CSMD3: variants seen among roughly 807,000 people sequenced by gnomAD.
The protein encoded by CSMD3 is CUB and sushi domain-containing protein 3.
Under a neutral mutation model 435.2 loss-of-function variants are expected in CSMD3, and 177 were observed. That is an observed-to-expected ratio of 0.41 (90% CI 0.36 to 0.46). The LOEUF (loss-of-function observed/expected upper bound fraction) is 0.46. CSMD3 is among the 20% of genes least tolerant of loss of function. CSMD3 has a pLI of 0.34. For missense variants in CSMD3, 4,265 were observed against 4,504.6 expected (o/e 0.95, Z 1.52); for synonymous variants, 1,656 against 1,520.5 (o/e 1.09, Z -2.07).
chr8:112,656,054 T>G, intron 18 of CSMD3, 100 bp downstream of exon 18: 1 of 683,612 alleles, frequency 1.5e-6, no homozygotes, highest in Non-Finnish European at 2.6e-6. Flanking sequence ...AAGCTTTGAT[T>G]TAAAATAAAT....
At chr8:113,358,648 T>C (rs757669957) in intron 1 of CSMD3, among the ~76,000 whole-genome samples, 1 of 152,154 alleles carries the variant, frequency 6.6e-6, no homozygotes, top group Non-Finnish European at 1.5e-5. Flanking sequence ...TGGAGTATGA[T>C]ATGGAGAGAA....
At chr8:112,613,349 G>A (rs1188085542) in intron 22 of CSMD3, among the ~76,000 whole-genome samples, 4 of 152,006 alleles carry the variant, frequency 2.6e-5, no homozygotes, top group Non-Finnish European at 5.9e-5. Context: ...AAGCATAAAT[G>A]GAAAGGAGAA....
At chr8:112,478,251 T>C (rs1319944203) in intron 31 of CSMD3, among the ~76,000 whole-genome samples, 1 of 152,172 alleles carries the variant, frequency 6.6e-6, no homozygotes, top group Non-Finnish European at 1.5e-5. Flanking sequence ...GGTGTTACTA[T>C]AAGGATACCT....
At chr8:113,298,295 C>T (rs898874468) in intron 2 of CSMD3, among the ~76,000 whole-genome samples, 2 of 151,906 alleles carry the variant, frequency 1.3e-5, no homozygotes, top group Non-Finnish European at 2.9e-5. Context: ...TTTGAAAATA[C>T]TTACGTATTT....
chr8:112,337,839 G>A (rs1239139269), intron 42 of CSMD3, 108 bp from the exon 43 acceptor site: 1 of 713,318 alleles, frequency 1.4e-6, no homozygotes. Context: ...GCTACTTGCA[G>A]TTGATTATAA....
chr8:112,904,747 A>G (rs1383949115), intron 10 of CSMD3, among the ~76,000 whole-genome samples: 4 of 151,370 alleles, frequency 2.6e-5, no homozygotes, highest in African/African-American at 9.7e-5. Context: ...GTTGTTTTAG[A>G]TGATAGAATT....
chr8:113,325,339 T>C (rs1321751999), intron 1 of CSMD3, among the ~76,000 whole-genome samples: 2 of 152,146 alleles, frequency 1.3e-5, no homozygotes, highest in African/African-American at 4.8e-5. Flanking sequence ...AATTGAATCA[T>C]GGGGACCCAT....
intron 38 of CSMD3, among the ~76,000 whole-genome samples, chr8:112,361,480 G>T (rs1304461919): frequency 6.7e-6 from 1 of 149,232 alleles, no homozygotes; most frequent in African/African-American, 2.5e-5. Context: ...CAATCAATCT[G>T]TATCAGAAAT....
At chr8:112,392,117 TCA>T (rs1238944436) in intron 35 of CSMD3, among the ~76,000 whole-genome samples, 2 of 152,122 alleles carry the variant, frequency 1.3e-5, no homozygotes, top group Non-Finnish European at 2.9e-5. Context: ...CAGTTAGAAA[TCA>T]ATAAATTATA....
At chr8:113,030,903 A>G (rs1173443858) in intron 5 of CSMD3, among the ~76,000 whole-genome samples, 1 of 151,610 alleles carries the variant, frequency 6.6e-6, no homozygotes, top group Admixed American at 6.6e-5. Flanking sequence ...GCAAATAGTT[A>G]CATGAGTAGA....
intron 6 of CSMD3, among the ~76,000 whole-genome samples, chr8:112,986,947 T>C (rs2085277269): frequency 6.6e-6 from 1 of 152,084 alleles, no homozygotes; most frequent in African/African-American, 2.4e-5. Context: ...ATAGTTTCTA[T>C]GAGTTTCCCT....
At chr8:113,428,306 A>G (rs968950352) in intron 1 of CSMD3, among the ~76,000 whole-genome samples, 5 of 151,696 alleles carry the variant, frequency 3.3e-5, no homozygotes, top group Admixed American at 6.6e-5. Context: ...CTTCTAAATT[A>G]AATTTTCAGG....
Position 113,226,316 on chromosome 8 carries a change from A to G in CSMD3, c.514+52276T>C, listed in dbSNP as rs569319841. Among the ~76,000 whole-genome samples, 12 of 151,744 alleles carry G rather than the reference A, an allele frequency of 7.9e-5. No individual in the cohort carries two copies. The South Asian group carries it at 2.5e-3, about 31-fold the overall frequency. On this transcript the variant is annotated intron_variant, in intron 3 of 70. Transcript: ENST00000297405. ...TACATGGATACCAACTAATGTGCCC[A>G]AACCACAAATATTAAAATCTGCTAT...
rs1332687264 is a variant in CSMD3, at chr8:112,511,481, C to G, written c.4757-4652G>C. ...CTCAGCTGACTGCAAGCTCCGTCTC[C>G]CGGGTTCACGCCATTCTCCTTCCTC... On this transcript the variant is annotated intron_variant, in intron 28 of 70. Coordinates refer to ENST00000297405, the MANE Select transcript of CSMD3 (RefSeq NM_198123.2). Among the ~76,000 whole-genome samples, 4 of 150,578 alleles carry G rather than the reference C, an allele frequency of 2.7e-5. No individual in the cohort carries two copies. The East Asian group carries it at 5.9e-4, about 22-fold the overall frequency.
At chr8:112,665,010 A>G (rs2075486100) in intron 17 of CSMD3, among the ~76,000 whole-genome samples, 1 of 152,100 alleles carries the variant, frequency 6.6e-6, no homozygotes, top group Non-Finnish European at 1.5e-5. Context: ...TTAGCTTAAA[A>G]CCTCCTGTAT....
At chr8:112,452,682 GATT>G (rs1816418716) in intron 32 of CSMD3, among the ~76,000 whole-genome samples, 1 of 152,036 alleles carries the variant, frequency 6.6e-6, no homozygotes, top group Non-Finnish European at 1.5e-5. Flanking sequence ...CATAGCAATG[GATT>G]ATTTGATTAC....
chr8:112,492,846 C>G (rs1046531710), intron 30 of CSMD3, among the ~76,000 whole-genome samples, 163 bp from the exon 31 acceptor site: 1 of 152,104 alleles, frequency 6.6e-6, no homozygotes, highest in Admixed American at 6.6e-5. Context: ...TCATTACTCC[C>G]TAAATAACAT....
chr8:112,313,530 A>G (rs987817724), intron 49 of CSMD3, among the ~76,000 whole-genome samples: 4 of 152,252 alleles, frequency 2.6e-5, no homozygotes, highest in African/African-American at 7.2e-5. Context: ...AAACAAATCT[A>G]TTTTTTAAAG....
chr8:113,071,878 T>C (rs2131407629), intron 5 of CSMD3, among the ~76,000 whole-genome samples: 1 of 151,922 alleles, frequency 6.6e-6, no homozygotes, highest in Admixed American at 6.6e-5. Context: ...AGGGTTTGAA[T>C]TGAATCTTTA....
Sources: gnomAD v4.1 joint callset for allele counts (sites outside exome capture counted in the v4.1 genomes callset) on GRCh38, gnomAD v4.1.1 for gene constraint, MANE v1.5 for transcripts, NCBI Gene and HGNC (gene_info 2026-07-23, HGNC 2026-07-21) for gene names.